Variants in ATXN7L1 observed in about 807,000 individuals in gnomAD.
ATXN7L1 encodes ataxin 7 like 1.
ATXN7L1 carries 15 observed loss-of-function variants against 70.8 expected under a neutral mutation model. The observed-to-expected ratio is 0.21, with a 90% CI of 0.14 to 0.33. ATXN7L1 has a LOEUF of 0.33. ATXN7L1 is among the 10% of genes least tolerant of loss of function. The pLI is 1.00. For missense variants in ATXN7L1, 975 were observed against 1,097.1 expected, an observed-to-expected ratio of 0.89 and a Z score of 1.57; for synonymous variants, 440 against 445.1, an observed-to-expected ratio of 0.99 and a Z score of 0.14.
chr7:105,635,095 C>A (rs969591673), intron 7 of ATXN7L1, among the ~76,000 whole-genome samples: 1 of 152,144 alleles, frequency 6.6e-6, no homozygotes, highest in African/African-American at 2.4e-5. Context: ...TAAGTTTGCC[C>A]TTTTATACTT....
intron 3 of ATXN7L1, among the ~76,000 whole-genome samples, chr7:105,775,548 A>G (rs577864815): frequency 6.6e-6 from 1 of 152,270 alleles, no homozygotes; most frequent in African/African-American, 2.4e-5. Context: ...AAGAAAATTG[A>G]TGCAGAATGC....
chr7:105,606,605 G>C lies in ATXN7L1; in HGVS notation c.*1247C>G, dbSNP rs771197449. 6.6e-6 allele frequency: 1 copy of C among 152,182 alleles called. No homozygotes were observed. Among genetic ancestry groups the C allele is most frequent in the Non-Finnish European group, 1.5e-5 (1 of 68,048 alleles). 9.4% of individuals were successfully genotyped at this position (152,182 alleles called of 1,614,324 possible). A position where few individuals can be genotyped will look rare whatever the true frequency, so the allele number is the denominator to read the frequency against. The stretch of plus-strand genomic sequence containing the variant: ...TATTGCTGTTTCTTTTAAAACTCCA[G>C]TGTGAATAGTTCTATGGCTGCAGGG... On this transcript the variant is annotated 3_prime_UTR_variant, in exon 12 of 12. Transcript: ENST00000419735.
chr7:105,641,213 TC>T (rs1265049617), intron 5 of ATXN7L1, among the ~76,000 whole-genome samples: 27 of 83,924 alleles, frequency 3.2e-4, no homozygotes, highest in African/African-American at 1.1e-3. Context: ...TCTCTCTCTC[TC>T]TTTTTTTTTT....
chr7:105,787,761 T>G (rs938242572), intron 3 of ATXN7L1, among the ~76,000 whole-genome samples: 6 of 152,182 alleles, frequency 3.9e-5, no homozygotes, highest in African/African-American at 1.4e-4. Context: ...CTTCGAAACC[T>G]TAATGGTAAG....
At chr7:105,813,013 AAAACC>A (rs1190100903) in intron 2 of ATXN7L1, among the ~76,000 whole-genome samples, 3 of 152,164 alleles carry the variant, frequency 2.0e-5, no homozygotes, top group Non-Finnish European at 2.9e-5. Context: ...AAAACAAGAC[AAAACC>A]AAACCAAACC....
chr7:105,678,991 G>A (rs1025601176), intron 3 of ATXN7L1: 2 of 855,260 alleles, frequency 2.3e-6, no homozygotes, highest in Non-Finnish European at 2.8e-6. Context: ...TCTCTGTTCC[G>A]TGACCTGCGC....
chr7:105,777,789 C>G (rs76832472), intron 3 of ATXN7L1, among the ~76,000 whole-genome samples: 5 of 152,290 alleles, frequency 3.3e-5, no homozygotes, highest in East Asian at 1.9e-4. Context: ...CTCAATACCC[C>G]CCAGTGTCTT....
chr7:105,857,934 A>C lies in ATXN7L1; in HGVS notation c.250+17878T>G, dbSNP rs73421392. Among the ~76,000 whole-genome samples the C allele has an allele frequency of 8.4e-3, 1,257 of 149,078 alleles. 23 individuals are homozygous for C. The highest frequency in any genetic ancestry group is 0.03 in the African/African-American group (1,213 of 40,170). On this transcript the variant is annotated intron_variant, in intron 2 of 11. Coordinates refer to ENST00000419735, the MANE Select transcript of ATXN7L1 (RefSeq NM_020725.2). ...ACCTTCAAGATTAGGCTACAGGGGG[A>C]AAAAAAAAAGAATCATAGGCTGGTG...
At chr7:105,620,396 T>G (rs910524912) in intron 8 of ATXN7L1, 75 bp from the exon 9 acceptor site, 1 of 1,403,488 alleles carries the variant, frequency 7.1e-7, no homozygotes, top group Admixed American at 2.8e-5. Context: ...AAAAATAACA[T>G]TTACATAAAA....
chr7:105,733,841 C>CCCACCCAT (rs1797030077), intron 3 of ATXN7L1, among the ~76,000 whole-genome samples: 1 of 52,940 alleles, frequency 1.9e-5, no homozygotes, highest in Non-Finnish European at 3.6e-5. Flanking sequence ...CATCCGTCCA[C>CCCACCCAT]CCATCCATCC....
intron 9 of ATXN7L1, among the ~76,000 whole-genome samples, chr7:105,619,140 G>GTTTTCTTTTTTTTTTTTT (rs1794382228): frequency 2.0e-5 from 1 of 49,846 alleles, no homozygotes; most frequent in Non-Finnish European, 3.3e-5. Flanking sequence ...GAAATCTTTA[G>GTTTTCTTTTTTTTTTTTT]TTTTTTTTTT....
chr7:105,780,296 G>T (rs1310815206), intron 3 of ATXN7L1, among the ~76,000 whole-genome samples: 2 of 152,182 alleles, frequency 1.3e-5, no homozygotes, highest in Admixed American at 1.3e-4. Flanking sequence ...GAAGGATGGG[G>T]TGCCAGCCAG....
chr7:105,818,571 G>A (rs893339055), intron 2 of ATXN7L1, among the ~76,000 whole-genome samples: 7 of 152,204 alleles, frequency 4.6e-5, no homozygotes, highest in Non-Finnish European at 1.0e-4. Context: ...AAGGCTGAAT[G>A]ATCAGCTGCC....
At chr7:105,834,652 T>C (rs772680233) in intron 2 of ATXN7L1, among the ~76,000 whole-genome samples, 2 of 152,106 alleles carry the variant, frequency 1.3e-5, no homozygotes, top group Non-Finnish European at 2.9e-5. Flanking sequence ...TTCTGATGAG[T>C]CTGTAAGTTT....
chr7:105,641,293 T>C (rs1470599192), intron 5 of ATXN7L1, among the ~76,000 whole-genome samples: 2 of 125,422 alleles, frequency 1.6e-5, no homozygotes, highest in Non-Finnish European at 3.2e-5. Context: ...GCTGGTTTGC[T>C]CGGAGCCCTC....
At position 105,822,114 on chromosome 7, in the gene ATXN7L1, G is replaced by A. The variant is rs536830428; in HGVS notation, c.251-33406C>T. ...TTCAAGTCTTAGGAACAACATTGCT[G>A]CTTCTCAACATTAGATTTACTTTCT... On this transcript the variant is annotated intron_variant, in intron 2 of 11. Transcript: ENST00000419735. 2.6e-5 allele frequency among the ~76,000 whole-genome samples: 4 copies of A among 152,290 alleles called. No individual in the cohort carries two copies. In the South Asian group the frequency reaches 8.3e-4, roughly 32 times the overall value.
At chr7:105,792,101 C>T (rs1359264027) in intron 2 of ATXN7L1, among the ~76,000 whole-genome samples, 1 of 152,220 alleles carries the variant, frequency 6.6e-6, no homozygotes, top group African/African-American at 2.4e-5. Context: ...CCGTCTCCCC[C>T]ACCCCCACAG....
chr7:105,753,176 A>G (rs1799404510), intron 3 of ATXN7L1, among the ~76,000 whole-genome samples: 1 of 152,196 alleles, frequency 6.6e-6, no homozygotes, highest in South Asian at 2.1e-4. Context: ...AGGAGAAGCC[A>G]CTGGAGGAGA....
At chr7:105,777,421 AGT>A (rs1212921946) in intron 3 of ATXN7L1, among the ~76,000 whole-genome samples, 1 of 152,148 alleles carries the variant, frequency 6.6e-6, no homozygotes, top group African/African-American at 2.4e-5. Context: ...TCTTCTCTTT[AGT>A]GTCTTACTCA....
Sources: allele counts gnomAD v4.1 joint callset (sites outside exome capture counted in the v4.1 genomes callset), GRCh38; gene constraint gnomAD v4.1.1; transcripts MANE v1.5; gene names NCBI Gene and HGNC (gene_info 2026-07-23, HGNC 2026-07-21).